Variants in EP400 observed in about 807,000 individuals in gnomAD.
The protein encoded by EP400 is E1A-binding protein p400.
EP400 carries 105 observed loss-of-function variants against 354.1 expected under a neutral mutation model. The observed-to-expected ratio is 0.30, with a 90% CI of 0.25 to 0.35. The LOEUF (loss-of-function observed/expected upper bound fraction) is 0.35. EP400 is among the 10% of genes least tolerant of loss of function. EP400 has a pLI of 1.00. For missense variants in EP400, 3,280 were observed against 4,121.0 expected (o/e 0.80, Z 5.59); for synonymous variants, 1,646 against 1,716.9 (o/e 0.96, Z 1.02).
chr12:132,012,661 T>G (rs1383774949), intron 16 of EP400, among the ~76,000 whole-genome samples: 1 of 152,234 alleles, frequency 6.6e-6, no homozygotes, highest in Non-Finnish European at 1.5e-5. Context: ...TTGACATCTC[T>G]TATTTTTCTG....
intron 1 of EP400, 122 bp from the exon 2 acceptor site, chr12:131,960,463 C>A (rs1316958184): frequency 1.6e-5 from 16 of 976,662 alleles, no homozygotes. Context: ...TGTGAGTCAG[C>A]TCTGTCGTTT....
intron 1 of EP400, among the ~76,000 whole-genome samples, chr12:131,954,498 G>T (rs1393050964): frequency 2.6e-5 from 4 of 152,176 alleles, no homozygotes; most frequent in African/African-American, 4.8e-5. Flanking sequence ...GTCGAAACAG[G>T]TGGATCACTT....
chr12:132,001,943 T>C (rs1222704791), intron 12 of EP400, among the ~76,000 whole-genome samples: 1 of 152,188 alleles, frequency 6.6e-6, no homozygotes, highest in Non-Finnish European at 1.5e-5. Context: ...ATAACTCTTG[T>C]TGTTTTATAT....
chr12:132,035,813 C>T (rs925009385), intron 30 of EP400, among the ~76,000 whole-genome samples: 16 of 149,658 alleles, frequency 1.1e-4, no homozygotes, highest in African/African-American at 3.0e-4. Context: ...CCCAGGTTCA[C>T]GCGGAACATC....
intron 11 of EP400, among the ~76,000 whole-genome samples, chr12:131,993,192 T>A (rs1181679849): frequency 6.6e-6 from 1 of 152,134 alleles, no homozygotes; most frequent in Non-Finnish European, 1.5e-5. Flanking sequence ...ACGCAGCTAA[T>A]TTTTGTATTT....
At chr12:132,044,622 C>T (rs1368392082) in intron 35 of EP400, 49 bp from the exon 36 acceptor site, 1 of 1,610,526 alleles carries the variant, frequency 6.2e-7, no homozygotes, top group East Asian at 2.2e-5. Flanking sequence ...TGGCTTATAA[C>T]ATGACACTGA....
At chr12:131,982,646 T>G (rs1198007124) in intron 5 of EP400, among the ~76,000 whole-genome samples, 168 bp downstream of exon 5, 1 of 152,214 alleles carries the variant, frequency 6.6e-6, no homozygotes, top group Non-Finnish European at 1.5e-5. Flanking sequence ...TACAGTTTTA[T>G]TTGGCTCTAT....
chr12:132,020,571 CTTAA>C (rs1212311435), intron 22 of EP400, among the ~76,000 whole-genome samples: 1 of 152,224 alleles, frequency 6.6e-6, no homozygotes, highest in Non-Finnish European at 1.5e-5. Flanking sequence ...GTCACTTGAA[CTTAA>C]TTATTCTTTT....
chr12:132,059,211 G>C (rs1411182773), intron 45 of EP400, among the ~76,000 whole-genome samples: 5 of 152,250 alleles, frequency 3.3e-5, no homozygotes, highest in Non-Finnish European at 7.4e-5. Context: ...CTGGGCCAAG[G>C]TGGAGAATCT....
intron 30 of EP400, among the ~76,000 whole-genome samples, chr12:132,034,733 T>A (rs1894636714): frequency 6.6e-6 from 1 of 151,872 alleles, no homozygotes; most frequent in Admixed American, 6.6e-5. Flanking sequence ...GCTCCACGAG[T>A]GAGAGGAGGG....
At chr12:132,008,594 T>G (rs1363769463) in intron 15 of EP400, among the ~76,000 whole-genome samples, 1 of 151,950 alleles carries the variant, frequency 6.6e-6, no homozygotes, top group Non-Finnish European at 1.5e-5. Context: ...ATTTTTTTTT[T>G]TTTTGAGACA....
intron 39 of EP400, among the ~76,000 whole-genome samples, chr12:132,046,748 C>G (rs1277699125): frequency 6.6e-6 from 1 of 152,234 alleles, no homozygotes; most frequent in Admixed American, 6.5e-5. Flanking sequence ...CTCCTTCTTG[C>G]TGCTTGCCTG....
intron 1 of EP400, 67 bp from the exon 2 acceptor site, chr12:131,960,518 G>C: frequency 7.2e-7 from 1 of 1,391,720 alleles, no homozygotes; most frequent in Non-Finnish European, 9.6e-7. Flanking sequence ...TCTTTTCAGT[G>C]CTGTTAAGTG....
chr12:132,013,699 A>G lies in EP400; in HGVS notation c.3786+35A>G. 1 of 1,604,964 alleles carries G rather than the reference A, an allele frequency of 6.2e-7. No homozygotes were observed. The highest frequency in any genetic ancestry group is 1.7e-5 in the Admixed American group (1 of 59,126). On this transcript the variant is annotated intron_variant, in intron 18 of 52. Transcript: ENST00000389561. The surrounding 1 kb of genome is among the most constrained non-coding windows in gnomAD (Gnocchi z 4.5). ...GTTCTGCCATTTCAGTTAATTAATTAAACATGCGTATGCCTTGTTATAAAC... is the reference window on the plus strand; with the variant it reads ...GTTCTGCCATTTCAGTTAATTAATTGAACATGCGTATGCCTTGTTATAAAC...
intron 39 of EP400, 30 bp downstream of exon 39, chr12:132,045,930 A>T (rs1470813297): frequency 1.2e-6 from 2 of 1,611,436 alleles, no homozygotes; most frequent in Non-Finnish European, 1.7e-6. Flanking sequence ...TCCTTCGAGG[A>T]GAGCACAGGC....
chr12:132,064,875 G>A lies in EP400; in HGVS notation c.8542G>A (p.Val2848Met). The A allele has an allele frequency of 1.2e-6, 2 of 1,608,470 alleles. No individual in the cohort carries two copies. The highest frequency in any genetic ancestry group is 4.5e-5 in the East Asian group (2 of 44,790). ...LTGTTVANLQVARLTRVPTSQ... is the reference protein window; with the variant it reads ...LTGTTVANLQMARLTRVPTSQ... ...GGGCACCACCGTGGCCAACCTCCAG[G>A]TGGCCCGGCTCGTAAGTGTCAGTTT... The change falls in exon 48 of 53, where the codon GTG becomes ATG. Residue 2848 changes from valine to methionine, a missense_variant. Around this residue, in one of 20 missense-constraint regions of EP400, gnomAD observed 279 missense variants for 386.7 expected, o/e 0.72. Coordinates refer to ENST00000389561, the MANE Select transcript of EP400 (RefSeq NM_015409.5).
intron 29 of EP400, among the ~76,000 whole-genome samples, chr12:132,030,876 C>G (rs1894466331): frequency 6.6e-6 from 1 of 152,200 alleles, no homozygotes. Context: ...GTGTGCTAGG[C>G]CCTTGTCAGC....
At chr12:132,026,633 T>G (rs1340029339) in intron 25 of EP400, among the ~76,000 whole-genome samples, 2 of 152,182 alleles carry the variant, frequency 1.3e-5, no homozygotes, top group African/African-American at 4.8e-5. Context: ...AACCAGCTGC[T>G]GCACCCTTCT....
intron 2 of EP400, among the ~76,000 whole-genome samples, chr12:131,977,868 T>TGTG (rs1275414747): frequency 6.6e-6 from 1 of 152,200 alleles, no homozygotes; most frequent in African/African-American, 2.4e-5. Context: ...GTGGTGGCTG[T>TGTG]GTGGTGGCCC....
Sources: allele counts gnomAD v4.1 joint callset (sites outside exome capture counted in the v4.1 genomes callset), GRCh38; gene constraint gnomAD v4.1.1; regional missense constraint gnomAD v4.1.1; non-coding constraint Gnocchi (gnomAD v3.1); transcripts MANE v1.5; gene names NCBI Gene and HGNC (gene_info 2026-07-23, HGNC 2026-07-21).